The following IMMP2L variants were observed in gnomAD, a reference collection of about 807,000 sequenced individuals.
The protein encoded by IMMP2L is mitochondrial inner membrane protease subunit 2.
A neutral mutation model predicts 19.3 loss-of-function variants in IMMP2L; 18 were observed. That is an observed-to-expected ratio of 0.93 (90% CI 0.64 to 1.38). The LOEUF (loss-of-function observed/expected upper bound fraction) is 1.38, where lower values mean the gene tolerates loss of function less well. Among genes scored for constraint, IMMP2L ranks in the 40% most tolerant of loss-of-function variants. The pLI is 0.00. For synonymous variants in IMMP2L, 76 were observed against 73.0 expected, an observed-to-expected ratio of 1.04 and a Z score of -0.21; for missense variants, 233 against 218.2, an observed-to-expected ratio of 1.07 and a Z score of -0.43.
intron 5 of IMMP2L, among the ~76,000 whole-genome samples, chr7:110,839,290 A>G (rs1270295512): frequency 6.6e-5 from 10 of 152,106 alleles, no homozygotes; most frequent in Admixed American, 6.6e-4. Context: ...TCAAATGAAC[A>G]AATGATATTC....
At chr7:111,052,645 G>A (rs1002413615) in intron 3 of IMMP2L, among the ~76,000 whole-genome samples, 1 of 152,092 alleles carries the variant, frequency 6.6e-6, no homozygotes, top group African/African-American at 2.4e-5. Context: ...ACCACCTTGG[G>A]CATATGTTCT....
rs1554445659 is a variant in IMMP2L, at chr7:110,882,287, G to GCCTTCCTTCCCTCCTTCCTTCCTT, written c.408+4305_408+4306insAAGGAAGGAAGGAGGGAAGGAAGG. ...GTCCCAATTCCTCTCTTTGTCAAGT[G>GCCTTCCTTCCCTCCTTCCTTCCTT]CCTTCCTTCCTTCCTTCCTTCCTTC... On this transcript the variant is annotated intron_variant, in intron 5 of 5. Coordinates refer to ENST00000405709, the MANE Select transcript of IMMP2L (RefSeq NM_032549.4). 1.5e-3 allele frequency among the ~76,000 whole-genome samples: 188 copies of GCCTTCCTTCCCTCCTTCCTTCCTT among 122,178 alleles called. 2 individuals are homozygous for GCCTTCCTTCCCTCCTTCCTTCCTT. The highest frequency in any genetic ancestry group is 5.8e-3 in the African/African-American group (175 of 30,178). The allele number at this position is 122,178 out of a possible 152,430, so 80.2% of individuals were successfully genotyped here.
intron 2 of IMMP2L, among the ~76,000 whole-genome samples, chr7:111,501,618 G>T (rs1405859859): frequency 6.6e-6 from 1 of 152,110 alleles, no homozygotes; most frequent in South Asian, 2.1e-4. Context: ...GACAAACAGC[G>T]GATCTCTCAG....
intron 3 of IMMP2L, among the ~76,000 whole-genome samples, chr7:110,995,642 A>G (rs1420012340): frequency 2.0e-5 from 3 of 152,140 alleles, no homozygotes; most frequent in Non-Finnish European, 4.4e-5. Context: ...AGCTTGTGAG[A>G]ATCAGGTGGT....
intron 3 of IMMP2L, among the ~76,000 whole-genome samples, chr7:111,364,634 CAA>C (rs112108805): frequency 4.5e-4 from 28 of 62,570 alleles, no homozygotes; most frequent in Non-Finnish European, 4.7e-4. Flanking sequence ...GACTCGGTCT[CAA>C]AAAAAAAAAA....
At chr7:111,042,323 G>A (rs1425951696) in intron 3 of IMMP2L, among the ~76,000 whole-genome samples, 4 of 152,114 alleles carry the variant, frequency 2.6e-5, no homozygotes, top group Middle Eastern at 3.2e-3. Flanking sequence ...GGGATTCCAG[G>A]TGCACACCAC....
intron 3 of IMMP2L, among the ~76,000 whole-genome samples, chr7:111,327,432 C>T (rs888803096): frequency 2.6e-5 from 4 of 151,704 alleles, no homozygotes; most frequent in Non-Finnish European, 4.4e-5. Context: ...ATTTCATTAA[C>T]ATGTACTCAA....
chr7:111,090,509 T>TA (rs1271739119), intron 3 of IMMP2L, among the ~76,000 whole-genome samples: 1 of 151,352 alleles, frequency 6.6e-6, no homozygotes, highest in East Asian at 1.9e-4. Context: ...TACATATTTT[T>TA]AAAAAGTACC....
At chr7:110,832,918 G>A (rs994697480) in intron 5 of IMMP2L, among the ~76,000 whole-genome samples, 2 of 152,170 alleles carry the variant, frequency 1.3e-5, no homozygotes, top group South Asian at 2.1e-4. Flanking sequence ...AAGGATTAGG[G>A]CAGGTTTCCC....
intron 3 of IMMP2L, among the ~76,000 whole-genome samples, chr7:111,140,051 C>A (rs1364283440): frequency 1.3e-5 from 2 of 151,538 alleles, no homozygotes; most frequent in Non-Finnish European, 2.9e-5. Flanking sequence ...AAATAAAGAT[C>A]AGAAAAGAAA....
At chr7:111,236,250 C>G (rs1814298275) in intron 3 of IMMP2L, among the ~76,000 whole-genome samples, 1 of 151,798 alleles carries the variant, frequency 6.6e-6, no homozygotes. Flanking sequence ...TGATTTTCAC[C>G]TTTTGGGGTG....
At chr7:111,250,445 A>C (rs572641133) in intron 3 of IMMP2L, among the ~76,000 whole-genome samples, 1 of 152,316 alleles carries the variant, frequency 6.6e-6, no homozygotes, top group South Asian at 2.1e-4. Context: ...CTGAATAGCC[A>C]CAACAATCCT....
chr7:111,533,986 G>C (rs2906776), intron 1 of IMMP2L, among the ~76,000 whole-genome samples: 6,667 of 151,988 alleles, frequency 0.044, 510 homozygotes, highest in African/African-American at 0.15. Context: ...ATAATTTTGA[G>C]AGAAAGGTAT....
intron 3 of IMMP2L, among the ~76,000 whole-genome samples, chr7:111,249,825 A>T (rs1010762173): frequency 2.0e-5 from 3 of 152,176 alleles, no homozygotes; most frequent in Non-Finnish European, 4.4e-5. Context: ...GGCAAAAGTT[A>T]GAAGCATTTC....
chr7:110,759,172 C>T (rs541668753), intron 5 of IMMP2L, among the ~76,000 whole-genome samples: 13 of 152,176 alleles, frequency 8.5e-5, no homozygotes, highest in Admixed American at 5.9e-4. Flanking sequence ...AATGTCACTG[C>T]CACTGGAAGA....
intron 4 of IMMP2L, among the ~76,000 whole-genome samples, chr7:110,917,630 C>T (rs572348124): frequency 1.3e-5 from 2 of 152,232 alleles, no homozygotes; most frequent in South Asian, 2.1e-4. Context: ...TAAATAAATC[C>T]TTCTTTGCTT....
intron 3 of IMMP2L, among the ~76,000 whole-genome samples, chr7:111,120,799 C>G (rs1372709288): frequency 2.0e-5 from 3 of 152,082 alleles, no homozygotes; most frequent in Non-Finnish European, 4.4e-5. Flanking sequence ...ACCACTACAT[C>G]TAGCTTACTT....
intron 5 of IMMP2L, among the ~76,000 whole-genome samples, chr7:110,761,019 C>T (rs74450367): frequency 8.3e-4 from 126 of 152,214 alleles, no homozygotes; most frequent in African/African-American, 2.9e-3. Context: ...ACAGGGCTTG[C>T]TGATGAGTAA....
intron 3 of IMMP2L, among the ~76,000 whole-genome samples, chr7:111,055,132 T>A (rs1563198473): frequency 6.6e-6 from 1 of 151,464 alleles, no homozygotes; most frequent in Non-Finnish European, 1.5e-5. Flanking sequence ...CTCACTGCAG[T>A]CTCAAACTCT....
Sources: allele counts gnomAD v4.1 joint callset (sites outside exome capture counted in the v4.1 genomes callset), GRCh38; gene constraint gnomAD v4.1.1; transcripts MANE v1.5; gene names NCBI Gene and HGNC (gene_info 2026-07-23, HGNC 2026-07-21).